OFD1: variants seen among roughly 807,000 people sequenced by gnomAD.
OFD1 encodes centriole and centriolar satellite protein OFD1.
Under a neutral mutation model 81.4 loss-of-function variants are expected in OFD1, and 12 were observed. That is an observed-to-expected ratio of 0.15 (90% CI 0.09 to 0.24). The LOEUF is 0.24. OFD1 is among the 10% of genes least tolerant of loss of function. The pLI is 1.00. For synonymous variants in OFD1, 256 were observed against 263.7 expected, an observed-to-expected ratio of 0.97 and a Z score of 0.28; for missense variants, 685 against 733.9, an observed-to-expected ratio of 0.93 and a Z score of 0.77.
chrX:13,740,264 G>C, intron 5 of OFD1: 3 of 687,412 alleles, frequency 4.4e-6, no homozygotes, highest in Non-Finnish European at 6.0e-6. Flanking sequence ...GTGACTCTCT[G>C]TGATTATGGA....
intron 10 of OFD1, 130 bp downstream of exon 10, chrX:13,751,498 C>G: frequency 1.9e-6 from 1 of 530,206 alleles, no homozygotes; most frequent in Non-Finnish European, 3.1e-6. Flanking sequence ...ATAGTTTTAT[C>G]GATACAGTCA....
chrX:13,768,798 C>T lies in OFD1; in HGVS notation c.2996+13C>T, dbSNP rs1007069335. 3.4e-6 allele frequency: 4 copies of T among 1,175,500 alleles called. No homozygotes were observed. Among genetic ancestry groups the T allele is most frequent in the Non-Finnish European group, 4.6e-6 (4 of 863,885 alleles). On this transcript the variant is annotated intron_variant, in intron 22 of 22. Coordinates refer to ENST00000340096, the MANE Select transcript of OFD1 (RefSeq NM_003611.3). ...ACAAAGTCGAAAGGTACCTGTTTTC[C>T]CTACACACTTTCATACACAAACTGT...
At chrX:13,738,520 C>G (rs184076707) in intron 3 of OFD1, among the ~76,000 whole-genome samples, 1 of 112,037 alleles carries the variant, frequency 8.9e-6, no homozygotes, top group Admixed American at 9.4e-5. Context: ...ATTGAATGAC[C>G]CAGGAACTCA....
chrX:13,734,195 TAGAG>T (rs979016414), upstream of OFD1: 10 of 479,523 alleles, frequency 2.1e-5, no homozygotes, highest in Non-Finnish European at 3.3e-5. Flanking sequence ...ACTGACAAAA[TAGAG>T]AGCAAGGATA....
chrX:13,718,892 A>AG, the OFD1 span, among the ~76,000 whole-genome samples: 1 of 111,668 alleles, frequency 9.0e-6, no homozygotes, highest in Non-Finnish European at 1.9e-5. Context: ...GTAGTGGCTC[A>AG]TGTCTGCAAT....
the OFD1 span, among the ~76,000 whole-genome samples, chrX:13,718,635 A>C: frequency 8.9e-6 from 1 of 112,295 alleles, no homozygotes; most frequent in African/African-American, 3.2e-5. Flanking sequence ...ATAATGTCAC[A>C]ACTCCACCTC....
intron 2 of OFD1, 199 bp from the exon 3 acceptor site, chrX:13,736,279 G>A (rs1227333173): frequency 9.5e-7 from 1 of 1,056,218 alleles, no homozygotes; most frequent in Non-Finnish European, 1.2e-6. Context: ...GAACCCACTG[G>A]ACTGCTTGTC....
intron 11 of OFD1, 55 bp from the exon 12 acceptor site, chrX:13,755,096 T>C: frequency 7.8e-6 from 7 of 892,918 alleles, no homozygotes; most frequent in Non-Finnish European, 9.9e-6. Flanking sequence ...ATTAAATGGC[T>C]TTTGTATTCA....
At chrX:13,715,816 T>C in the OFD1 span, 2 of 961,809 alleles carry the variant, frequency 2.1e-6, no homozygotes, top group South Asian at 6.5e-5. Flanking sequence ...GAAGTTGTGT[T>C]CCTAAATACA....
intron 5 of OFD1, among the ~76,000 whole-genome samples, chrX:13,741,869 T>A (rs2047118353): frequency 8.9e-6 from 1 of 111,777 alleles, no homozygotes; most frequent in South Asian, 3.8e-4. Flanking sequence ...CAAGTCATAA[T>A]GGTGGAATGT....
downstream of OFD1, chrX:13,772,757 G>T: frequency 1.7e-6 from 1 of 587,064 alleles, no homozygotes; most frequent in Non-Finnish European, 2.6e-6. Flanking sequence ...AGCAGCTTGA[G>T]ACAGACAGTG....
chrX:13,735,212 G>T, intron 1 of OFD1, 36 bp from the exon 2 acceptor site: 1 of 1,197,714 alleles, frequency 8.3e-7, no homozygotes, highest in Non-Finnish European at 1.1e-6. Context: ...CGTTCCCTCT[G>T]CCCCGCAGGT....
Position 13,768,066 on chromosome X carries a change from G to A in OFD1, c.2770G>A (p.Glu924Lys). 1 of 1,167,885 alleles carries A rather than the reference G, an allele frequency of 8.6e-7. No individual in the cohort carries two copies. The highest frequency in any genetic ancestry group is 1.8e-5 in the South Asian group (1 of 55,683). Reference protein sequence around the residue: ...KLYQERKMIEESLKIKIKKEL... With the variant: ...KLYQERKMIEKSLKIKIKKEL... ...GCCTGTTTTATAGAAGATGATTGAAGAATCACTGAAGATTAAAATAAAAAA... is the reference window on the plus strand; with the variant it reads ...GCCTGTTTTATAGAAGATGATTGAAAAATCACTGAAGATTAAAATAAAAAA... Residue 924 changes from glutamate (E) to lysine (K), a missense_variant, in exon 21 of 23, where the codon GAA (glutamate) becomes AAA (lysine). Glu to Lys is a moderately conservative substitution (Grantham distance 56). This residue lies in a region of OFD1 where 259 missense variants were observed against 254.4 expected (regional missense o/e 1.02). Coordinates refer to ENST00000340096, the MANE Select transcript of OFD1 (RefSeq NM_003611.3).
At chrX:13,729,070 A>G in the OFD1 span, among the ~76,000 whole-genome samples, 6 of 111,836 alleles carry the variant, frequency 5.4e-5, no homozygotes, top group East Asian at 1.7e-3. Context: ...AAGGAGAACT[A>G]CAAACCACTG....
intron 11 of OFD1, among the ~76,000 whole-genome samples, 187 bp from the exon 12 acceptor site, chrX:13,754,964 A>G (rs1218252790): frequency 1.8e-5 from 2 of 112,738 alleles, no homozygotes; most frequent in Non-Finnish European, 3.8e-5. Flanking sequence ...TTCACCACAT[A>G]TATGACAGTT....
chrX:13,760,027 C>T, intron 15 of OFD1, 88 bp from the exon 16 acceptor site: 1 of 1,130,808 alleles, frequency 8.8e-7, no homozygotes, highest in Non-Finnish European at 1.2e-6. Context: ...TTACTCTCTT[C>T]CATTTTTCAA....
chrX:13,756,443 A>G (rs948404610), intron 12 of OFD1, 135 bp from the exon 13 acceptor site: 6 of 478,597 alleles, frequency 1.3e-5, no homozygotes, highest in East Asian at 7.3e-5. Context: ...TTAGAGTCTT[A>G]TTGTAGAGAA....
At chrX:13,744,550 TCTG>T in intron 6 of OFD1, 31 bp downstream of exon 6, 1 of 873,288 alleles carries the variant, frequency 1.1e-6, no homozygotes, top group Non-Finnish European at 1.7e-6. Flanking sequence ...TAATTTCAGT[TCTG>T]CTGTTTTCAT....
intron 6 of OFD1, 108 bp from the exon 7 acceptor site, chrX:13,746,210 TC>T: frequency 1.5e-6 from 1 of 677,156 alleles, no homozygotes; most frequent in Non-Finnish European, 2.4e-6. Context: ...TTGCAGATAA[TC>T]CCTACACTTT....
Sources: allele counts gnomAD v4.1 joint callset (sites outside exome capture counted in the v4.1 genomes callset), GRCh38; gene constraint gnomAD v4.1.1; regional missense constraint gnomAD v4.1.1; transcripts MANE v1.5; gene names NCBI Gene and HGNC (gene_info 2026-07-23, HGNC 2026-07-21).